Variants in DAAM1 observed in about 807,000 individuals in gnomAD.
The protein encoded by DAAM1 is dishevelled associated activator of morphogenesis 1.
DAAM1 carries 52 observed loss-of-function variants against 130.0 expected under a neutral mutation model. The observed-to-expected ratio is 0.40, with a 90% CI of 0.32 to 0.50. The LOEUF is 0.50. Ranked by LOEUF, DAAM1 falls within the 20% of genes least tolerant of loss-of-function variation. DAAM1 has a pLI of 0.61. For missense variants in DAAM1, 1,134 were observed against 1,303.8 expected, an observed-to-expected ratio of 0.87 and a Z score of 2.01; for synonymous variants, 452 against 444.5, an observed-to-expected ratio of 1.02 and a Z score of -0.21.
intron 1 of DAAM1, among the ~76,000 whole-genome samples, chr14:59,222,184 G>A (rs1398389147): frequency 2.0e-5 from 3 of 152,138 alleles, no homozygotes; most frequent in Non-Finnish European, 4.4e-5. Flanking sequence ...ATTGAATTCC[G>A]TGAGTTCGGG....
At chr14:59,326,181 G>A (rs1885195835) in intron 10 of DAAM1, 104 bp downstream of exon 10, 1 of 1,103,108 alleles carries the variant, frequency 9.1e-7, no homozygotes, top group Non-Finnish European at 1.3e-6. Flanking sequence ...GCACACCAGG[G>A]ATTCCAAGCC....
intron 24 of DAAM1, 104 bp from the exon 25 acceptor site, chr14:59,368,546 C>T: frequency 8.5e-7 from 1 of 1,175,370 alleles, no homozygotes; most frequent in East Asian, 2.6e-5. Flanking sequence ...ATGAGCATAG[C>T]TTGGTGTCTG....
At chr14:59,297,731 G>C (rs551975882) in intron 3 of DAAM1, among the ~76,000 whole-genome samples, 4 of 152,230 alleles carry the variant, frequency 2.6e-5, no homozygotes, top group African/African-American at 9.6e-5. Context: ...TTATATTACA[G>C]TCTATTGTCA....
At position 59,191,903 on chromosome 14, in the gene DAAM1, C is replaced by A. The variant is rs528004448; in HGVS notation, c.-38+3135C>A. Among the ~76,000 whole-genome samples the A allele has an allele frequency of 3.7e-4, 57 of 152,298 alleles. 1 individual carries two copies. Among genetic ancestry groups the A allele is most frequent in the Admixed American group, 2.2e-3 (34 of 15,298 alleles). Reference sequence around the variant, plus strand: ...GTTCCGTAAACAGGATCAGTTGTTTCAGGCTGGTTGATGTGAAAGAAATGT... The same window carrying A: ...GTTCCGTAAACAGGATCAGTTGTTTAAGGCTGGTTGATGTGAAAGAAATGT... On this transcript the variant is annotated intron_variant, in intron 1 of 24. Transcript: ENST00000360909.
At chr14:59,345,124 G>A (rs181053277) in intron 16 of DAAM1, among the ~76,000 whole-genome samples, 118 of 152,276 alleles carry the variant, frequency 7.7e-4, no homozygotes, top group Non-Finnish European at 1.3e-3. Flanking sequence ...TAGTGTCCTG[G>A]AGTCTAAGGC....
chr14:59,326,698 A>C, intron 11 of DAAM1, 50 bp downstream of exon 11: 1 of 1,594,432 alleles, frequency 6.3e-7, no homozygotes, highest in Non-Finnish European at 8.5e-7. Flanking sequence ...ACAATGTAAG[A>C]TATTTATTTT....
At position 59,325,744 on chromosome 14, in the gene DAAM1, C is replaced by T; in HGVS notation, c.1056+14C>T. Reference sequence around the variant, plus strand: ...AGATTTGAACTGGTACGTATGCTTACAATTATTCTGGTTTGATTCATCAGT... The same window carrying T: ...AGATTTGAACTGGTACGTATGCTTATAATTATTCTGGTTTGATTCATCAGT... On this transcript the variant is annotated intron_variant, in intron 9 of 24. Transcript: ENST00000360909. The T allele has an allele frequency of 1.9e-6, 3 of 1,612,906 alleles. No individual in the cohort carries two copies. The highest frequency in any genetic ancestry group is 2.2e-5 in the South Asian group (2 of 91,044).
Position 59,355,344 on chromosome 14 carries a change from G to C in DAAM1, c.2525+11G>C, listed in dbSNP as rs1403202049. The C allele has an allele frequency of 2.5e-6, 4 of 1,612,960 alleles. No individual in the cohort carries two copies. In the Admixed American group the frequency reaches 5.0e-5, roughly 20 times the overall value. ...ATCCAGCATCGACAAGTAAGTATGA[G>C]ATCTTCCAACACTTGGGGGAGCCAG... On this transcript the variant is annotated intron_variant, in intron 20 of 24. Transcript: ENST00000360909.
intron 5 of DAAM1, among the ~76,000 whole-genome samples, chr14:59,322,282 C>T (rs965119718): frequency 6.6e-6 from 1 of 151,952 alleles, no homozygotes; most frequent in Admixed American, 6.6e-5. Flanking sequence ...GAGGCTGAGA[C>T]AGGAGGTTTG....
intron 20 of DAAM1, among the ~76,000 whole-genome samples, chr14:59,357,520 T>C (rs571527498): frequency 4.7e-4 from 71 of 152,302 alleles, no homozygotes; most frequent in Non-Finnish European, 8.5e-4. Flanking sequence ...GGCTCACACC[T>C]GTAATCCCAG....
At position 59,263,561 on chromosome 14, in the gene DAAM1, T is replaced by C; in HGVS notation, c.84T>C (p.Tyr28=). The change falls in exon 2 of 25, where the codon TAT becomes TAC. Residue 28 remains tyrosine (Y), a synonymous_variant. Transcript: ENST00000360909. The part of the protein sequence containing the change: ...FRNNDHPEIT[Y]RLRNDSNFAL... ...ATAATGATCACCCAGAAATCACGTA[T>C]CGGCTGCGAAATGATAGCAACTTTG... 1.9e-6 allele frequency: 3 copies of C among 1,614,150 alleles called. No individual in the cohort carries two copies. The highest frequency in any genetic ancestry group is 8.5e-7 in the Non-Finnish European group (1 of 1,180,026).
At chr14:59,365,916 A>G (rs1277339576) in intron 23 of DAAM1, among the ~76,000 whole-genome samples, 1 of 152,238 alleles carries the variant, frequency 6.6e-6, no homozygotes, top group African/African-American at 2.4e-5. Flanking sequence ...ACAATTTGAC[A>G]TTGAATATTA....
chr14:59,225,539 C>T (rs1223742229), intron 1 of DAAM1, among the ~76,000 whole-genome samples: 1 of 152,206 alleles, frequency 6.6e-6, no homozygotes, highest in Non-Finnish European at 1.5e-5. Flanking sequence ...TGATTTGCCT[C>T]TCCTCCATCC....
chr14:59,320,724 A>G, intron 5 of DAAM1, 140 bp downstream of exon 5: 1 of 559,476 alleles, frequency 1.8e-6, no homozygotes, highest in Non-Finnish European at 2.9e-6. Context: ...CATTTAATAA[A>G]GTTATTTTCT....
intron 3 of DAAM1, among the ~76,000 whole-genome samples, chr14:59,306,853 T>C (rs1884397939): frequency 6.6e-6 from 1 of 152,162 alleles, no homozygotes; most frequent in South Asian, 2.1e-4. Flanking sequence ...GATGCACAGA[T>C]AGAAACCATA....
chr14:59,360,746 A>T, intron 21 of DAAM1, 56 bp from the exon 22 acceptor site: 1 of 1,469,822 alleles, frequency 6.8e-7, no homozygotes, highest in Non-Finnish European at 9.3e-7. Flanking sequence ...AACCCATCTT[A>T]TATTTAATAT....
At chr14:59,249,029 C>T (rs756265322) in intron 1 of DAAM1, among the ~76,000 whole-genome samples, 4 of 152,156 alleles carry the variant, frequency 2.6e-5, no homozygotes, top group Non-Finnish European at 5.9e-5. Flanking sequence ...CCTCGTGATC[C>T]GTCTGCCTCG....
At chr14:59,231,611 T>C (rs1376964967) in intron 1 of DAAM1, among the ~76,000 whole-genome samples, 7 of 152,196 alleles carry the variant, frequency 4.6e-5, no homozygotes, top group Non-Finnish European at 1.0e-4. Flanking sequence ...TACCATTCAT[T>C]ATCTGTGCAA....
chr14:59,350,665 G>A (rs1886256805), intron 17 of DAAM1, among the ~76,000 whole-genome samples: 1 of 151,970 alleles, frequency 6.6e-6, no homozygotes, highest in Admixed American at 6.5e-5. Flanking sequence ...GGAGCCAGGG[G>A]ACACTGCGGG....
Sources: allele counts gnomAD v4.1 joint callset (sites outside exome capture counted in the v4.1 genomes callset), GRCh38; gene constraint gnomAD v4.1.1; transcripts MANE v1.5; gene names NCBI Gene and HGNC (gene_info 2026-07-23, HGNC 2026-07-21).